Variants in HS6ST2 observed in about 807,000 individuals in gnomAD.
The protein encoded by HS6ST2 is heparan sulfate 6-O-sulfotransferase 2.
In HS6ST2, 17 loss-of-function variants were observed where a neutral mutation model predicts 33.0. The observed-to-expected ratio is 0.52, with a 90% CI of 0.35 to 0.77. HS6ST2 has a LOEUF of 0.77. Ranked by LOEUF, HS6ST2 falls within the 30% of genes least tolerant of loss-of-function variation. The probability of loss-of-function intolerance (pLI) is 0.01; values close to 1 mark genes in which losing one functional copy is unlikely to be tolerated. For missense variants in HS6ST2, 519 were observed against 551.7 expected, an observed-to-expected ratio of 0.94 and a Z score of 0.59; for synonymous variants, 248 against 237.1, an observed-to-expected ratio of 1.05 and a Z score of -0.42.
chrX:132,659,951 T>C (rs1180166431), intron 4 of HS6ST2, among the ~76,000 whole-genome samples: 1 of 112,193 alleles, frequency 8.9e-6, no homozygotes, highest in Non-Finnish European at 1.9e-5. Context: ...TTTCTTTACA[T>C]GCATTAACTG....
intron 2 of HS6ST2, among the ~76,000 whole-genome samples, chrX:132,745,716 AACTGAGAACAAGAAGAGAACACATTATC>A (rs2064632707): frequency 8.9e-6 from 1 of 111,970 alleles, no homozygotes; most frequent in South Asian, 3.7e-4. Flanking sequence ...CTTAGAAAGT[AACTGAGAACAAGAAGAGAACACATTATC>A]ACCTTCTACT....
chrX:132,693,831 A>G (rs1210176865), intron 3 of HS6ST2, among the ~76,000 whole-genome samples: 3 of 111,536 alleles, frequency 2.7e-5, no homozygotes, highest in African/African-American at 9.8e-5. Flanking sequence ...TCTCCCTAAG[A>G]CACTGAGGAT....
intron 2 of HS6ST2, among the ~76,000 whole-genome samples, chrX:132,930,153 G>GTTGTT (rs776562105): frequency 4.9e-4 from 54 of 109,805 alleles, no homozygotes; most frequent in Admixed American, 1.2e-3. Context: ...TGTTGTTGTT[G>GTTGTT]TTGTTTTGTT....
chrX:132,835,921 G>C (rs977417593), intron 2 of HS6ST2, among the ~76,000 whole-genome samples: 5 of 111,705 alleles, frequency 4.5e-5, no homozygotes, highest in Admixed American at 1.9e-4. Flanking sequence ...CTGGGGTGGA[G>C]GGGGGAAGAA....
In HS6ST2 at chrX:132,701,061, C is replaced by G. The variant is rs906624363; in HGVS notation, c.980+7401G>C. Among the ~76,000 whole-genome samples, 5 of 111,801 alleles carry G rather than the reference C, an allele frequency of 4.5e-5. No individual in the cohort carries two copies. The Middle Eastern group carries it at 0.018, about 410-fold the overall frequency. ...CTAAGAATTAAACGGCAAAAGCAAG[C>G]CAAAAATTCAGCGAGTTTAGTTAAT... is the stretch of plus-strand genomic sequence containing the variant. On this transcript the variant is annotated intron_variant, in intron 3 of 4. Transcript: ENST00000370833.
chrX:132,754,508 C>G (rs765761973), intron 2 of HS6ST2, among the ~76,000 whole-genome samples: 1 of 108,787 alleles, frequency 9.2e-6, no homozygotes. Flanking sequence ...CCTCCGCCCC[C>G]CTGGTTCACG....
intron 2 of HS6ST2, among the ~76,000 whole-genome samples, chrX:132,784,882 T>G (rs1394042616): frequency 8.9e-6 from 1 of 111,739 alleles, no homozygotes; most frequent in Non-Finnish European, 1.9e-5. Context: ...GCTCGACCAC[T>G]TCCAGGTGCC....
At chrX:132,943,625 C>A (rs951530225) in intron 2 of HS6ST2, among the ~76,000 whole-genome samples, 9 of 111,205 alleles carry the variant, frequency 8.1e-5, no homozygotes, top group African/African-American at 2.3e-4. Flanking sequence ...TACTGGCAAA[C>A]CGAATCCAGC....
chrX:132,654,648 G>C (rs2063717989), intron 4 of HS6ST2, among the ~76,000 whole-genome samples: 1 of 111,991 alleles, frequency 8.9e-6, no homozygotes, highest in South Asian at 3.7e-4. Context: ...CTTTTTATGA[G>C]ATGCTATAAG....
chrX:132,734,406 GA>G (rs1292980693), intron 2 of HS6ST2, among the ~76,000 whole-genome samples: 2 of 109,980 alleles, frequency 1.8e-5, no homozygotes, highest in South Asian at 4.0e-4. Context: ...AGAAAAGCAG[GA>G]AAAAAAATCA....
intron 4 of HS6ST2, among the ~76,000 whole-genome samples, chrX:132,650,630 T>C (rs185904071): frequency 1.8e-3 from 201 of 110,430 alleles, no homozygotes; most frequent in African/African-American, 6.4e-3. Flanking sequence ...TTTTCTTTCC[T>C]TAAAACTCGG....
intron 2 of HS6ST2, among the ~76,000 whole-genome samples, chrX:132,741,307 T>C (rs184386849): frequency 3.7e-5 from 4 of 109,177 alleles, no homozygotes; most frequent in Non-Finnish European, 7.6e-5. Flanking sequence ...GTTTTGTTTT[T>C]TTTTTTTTTT....
At chrX:132,840,126 A>C (rs2065695069) in intron 2 of HS6ST2, among the ~76,000 whole-genome samples, 1 of 111,368 alleles carries the variant, frequency 9.0e-6, no homozygotes, top group East Asian at 2.8e-4. Context: ...AAAAAAAAAT[A>C]ATAAATAAAT....
intron 4 of HS6ST2, among the ~76,000 whole-genome samples, chrX:132,655,324 C>A (rs939049982): frequency 8.9e-6 from 1 of 111,988 alleles, no homozygotes; most frequent in South Asian, 3.8e-4. Flanking sequence ...GAGTAAGGGG[C>A]ACAGTAATTG....
In HS6ST2 at chrX:132,813,798, T is replaced by A. The variant is rs1435876418; in HGVS notation, c.948-105304A>T. Among the ~76,000 whole-genome samples, 11 of 110,668 alleles carry A rather than the reference T, an allele frequency of 9.9e-5. 2 individuals carry two copies. The Admixed American group carries it at 1.1e-3, about 11-fold the overall frequency. ...CCGTAAAAGCCTCACAATTGACTTT[T>A]TTGCCTCTGATCTCCCCTCCATTTA... On this transcript the variant is annotated intron_variant, in intron 2 of 4. Coordinates refer to ENST00000370833, the MANE Select transcript of HS6ST2 (RefSeq NM_001394073.1).
intron 2 of HS6ST2, among the ~76,000 whole-genome samples, chrX:132,774,291 G>C (rs1482024364): frequency 4.4e-5 from 5 of 112,625 alleles, no homozygotes; most frequent in Non-Finnish European, 9.4e-5. Flanking sequence ...TTAGGGGGTT[G>C]AGAGAAAAGC....
intron 4 of HS6ST2, among the ~76,000 whole-genome samples, chrX:132,653,412 C>G (rs750722816): frequency 4.5e-5 from 5 of 111,935 alleles, no homozygotes; most frequent in Admixed American, 3.8e-4. Flanking sequence ...CTCATCTTCT[C>G]GGCCCACGAC....
At chrX:132,724,072 C>T (rs996954616) in intron 2 of HS6ST2, among the ~76,000 whole-genome samples, 2 of 111,559 alleles carry the variant, frequency 1.8e-5, no homozygotes, top group Non-Finnish European at 3.8e-5. Flanking sequence ...CCTGGGATCA[C>T]GCGTGGCTGC....
At chrX:132,679,807 A>G (rs11799044) in intron 3 of HS6ST2, among the ~76,000 whole-genome samples, 13,422 of 108,149 alleles carry the variant, frequency 0.12, 805 homozygotes, top group East Asian at 0.27. Flanking sequence ...TTTCCCAGGG[A>G]TGTTCCTTAC....
Sources: gnomAD v4.1 joint callset for allele counts (sites outside exome capture counted in the v4.1 genomes callset) on GRCh38, gnomAD v4.1.1 for gene constraint, MANE v1.5 for transcripts, NCBI Gene and HGNC (gene_info 2026-07-23, HGNC 2026-07-21) for gene names.